Variants in PTPRQ observed in about 807,000 individuals in gnomAD.
PTPRQ encodes the protein phosphatidylinositol phosphatase PTPRQ.
PTPRQ carries 199 observed loss-of-function variants against 246.0 expected under a neutral mutation model. The ratio of observed to expected loss-of-function variants is 0.81; its 90% CI spans 0.72 to 0.91. The LOEUF (loss-of-function observed/expected upper bound fraction) is 0.91. Among genes scored for constraint, PTPRQ ranks in the 40% least tolerant of loss-of-function variants. PTPRQ has a pLI of 0.00. For synonymous variants in PTPRQ, 869 were observed against 853.2 expected (o/e 1.02, Z -0.32); for missense variants, 2,624 against 2,528.4 (o/e 1.04, Z -0.81).
intron 8 of PTPRQ, 151 bp from the exon 9 acceptor site, chr12:80,484,282 C>T (rs1894194741): frequency 4.1e-6 from 4 of 972,456 alleles, no homozygotes; most frequent in South Asian, 1.8e-5. Context: ...GCTGGGATTA[C>T]AGCCATGAGC....
intron 33 of PTPRQ, among the ~76,000 whole-genome samples, chr12:80,624,338 T>G (rs1349638322): frequency 6.6e-6 from 1 of 152,196 alleles, no homozygotes; most frequent in Non-Finnish European, 1.5e-5. Context: ...GTATTTTTTG[T>G]AGACCAGTGA....
At chr12:80,633,925 A>G (rs1565831740) in intron 34 of PTPRQ, among the ~76,000 whole-genome samples, 1 of 152,274 alleles carries the variant, frequency 6.6e-6, no homozygotes, top group South Asian at 2.1e-4. Context: ...TTGCCTACTC[A>G]CTAGCTAAAG....
In PTPRQ at chr12:80,679,153, A is replaced by ATTTT. The variant is rs1901239634; in HGVS notation, c.*130_*131insTTTT. 3 of 1,110,038 alleles carry ATTTT rather than the reference A, an allele frequency of 2.7e-6. No individual in the cohort carries two copies. The East Asian group carries it at 8.3e-5, about 31-fold the overall frequency. The allele number at this position is 1,110,038 out of a possible 1,614,324, so 68.8% of individuals were successfully genotyped here. On this transcript the variant is annotated 3_prime_UTR_variant, in exon 45 of 45. Coordinates refer to ENST00000644991, the MANE Select transcript of PTPRQ (RefSeq NM_001145026.2). ...TATGCTTCTCTCACTGTGCCTTTCC[A>ATTTT]AACGGATTGAACATTTTAAGACTAG...
chr12:80,481,876 G>A lies in PTPRQ; in HGVS notation c.1187-2557G>A, dbSNP rs539960063. Among the ~76,000 whole-genome samples, 6 of 151,780 alleles carry A rather than the reference G, an allele frequency of 4.0e-5. No homozygotes were observed. In the South Asian group the frequency reaches 1.3e-3, roughly 32 times the overall value. ...AACCGCTGCTCAATGAAATAAAAGAGGATACAAACAAATGGAAGAACATTC... is the reference window on the plus strand; with the variant it reads ...AACCGCTGCTCAATGAAATAAAAGAAGATACAAACAAATGGAAGAACATTC... On this transcript the variant is annotated intron_variant, in intron 8 of 44. Coordinates refer to ENST00000644991, the MANE Select transcript of PTPRQ (RefSeq NM_001145026.2).
chr12:80,608,995 C>A (rs1204430964), intron 27 of PTPRQ, among the ~76,000 whole-genome samples: 1 of 150,598 alleles, frequency 6.6e-6, no homozygotes, highest in Non-Finnish European at 1.5e-5. Flanking sequence ...TATTCCTGAT[C>A]AATAGGATTT....
Position 80,577,443 on chromosome 12 carries a change from T to A in PTPRQ, c.4286-10686T>A, listed in dbSNP as rs529833396. Among the ~76,000 whole-genome samples the A allele has an allele frequency of 2.0e-5, 3 of 152,298 alleles. No homozygotes were observed. The South Asian group carries it at 6.2e-4, about 32-fold the overall frequency. ...AACAGGATGGGGGAAACCACACCCA[T>A]GATTCAATTATCTCTTCCTGGTCCC... On this transcript the variant is annotated intron_variant, in intron 25 of 44. Coordinates refer to ENST00000644991, the MANE Select transcript of PTPRQ (RefSeq NM_001145026.2).
chr12:80,647,562 G>A (rs1461906117), intron 35 of PTPRQ, among the ~76,000 whole-genome samples: 1 of 151,994 alleles, frequency 6.6e-6, no homozygotes, highest in Non-Finnish European at 1.5e-5. Context: ...ATTGATTGTG[G>A]CTTCAGTCCC....
chr12:80,583,864 T>C (rs1897526375), intron 25 of PTPRQ: 1 of 152,204 alleles, frequency 6.6e-6, no homozygotes, highest in African/African-American at 2.4e-5. Context: ...ATTTAGTTCC[T>C]TGCAGTCACA....
At chr12:80,577,150 C>T (rs1897297439) in intron 25 of PTPRQ, among the ~76,000 whole-genome samples, 1 of 152,178 alleles carries the variant, frequency 6.6e-6, no homozygotes, top group African/African-American at 2.4e-5. Context: ...ATAAATCAAG[C>T]CAGCTCATTT....
At chr12:80,531,074 T>C (rs1242710835) in intron 17 of PTPRQ, among the ~76,000 whole-genome samples, 4 of 151,940 alleles carry the variant, frequency 2.6e-5, no homozygotes, top group Non-Finnish European at 5.9e-5. Flanking sequence ...AATCACAATT[T>C]AATATGTAGA....
At chr12:80,630,916 C>T (rs886371473) in intron 33 of PTPRQ, among the ~76,000 whole-genome samples, 60 of 152,184 alleles carry the variant, frequency 3.9e-4, no homozygotes, top group African/African-American at 1.3e-3. Flanking sequence ...GGGGTTTCAC[C>T]ATGTTGGCCA....
At chr12:80,492,018 G>A (rs1016242360) in intron 9 of PTPRQ, among the ~76,000 whole-genome samples, 2 of 151,620 alleles carry the variant, frequency 1.3e-5, no homozygotes, top group African/African-American at 4.8e-5. Flanking sequence ...TTTTGAAGCA[G>A]AACTTGAAAA....
At chr12:80,474,024 G>T (rs1893736650) in intron 8 of PTPRQ, among the ~76,000 whole-genome samples, 1 of 152,122 alleles carries the variant, frequency 6.6e-6, no homozygotes, top group African/African-American at 2.4e-5. Context: ...AGTTCTCTTG[G>T]GATAGTTCAG....
At chr12:80,529,371 G>A (rs1033826106) in intron 17 of PTPRQ, among the ~76,000 whole-genome samples, 1 of 152,052 alleles carries the variant, frequency 6.6e-6, no homozygotes, top group African/African-American at 2.4e-5. Context: ...AAATGAACAG[G>A]GATAGATGTA....
chr12:80,480,543 C>A (rs201610961), intron 8 of PTPRQ, among the ~76,000 whole-genome samples: 1 of 142,218 alleles, frequency 7.0e-6, no homozygotes, highest in Admixed American at 7.1e-5. Flanking sequence ...CTGAAGGAAA[C>A]AGAGACACAA....
intron 9 of PTPRQ, among the ~76,000 whole-genome samples, chr12:80,492,789 T>C (rs1167450523): frequency 6.6e-6 from 1 of 152,014 alleles, no homozygotes; most frequent in East Asian, 1.9e-4. Context: ...TTCTGGTATG[T>C]AACTTCACTC....
At chr12:80,511,662 A>G (rs1043399710) in intron 17 of PTPRQ, among the ~76,000 whole-genome samples, 5 of 152,226 alleles carry the variant, frequency 3.3e-5, no homozygotes, top group African/African-American at 1.2e-4. Flanking sequence ...GCTGTGATCC[A>G]GTTGACAAGA....
intron 18 of PTPRQ, among the ~76,000 whole-genome samples, chr12:80,534,549 A>G (rs1895933868): frequency 6.6e-6 from 1 of 152,074 alleles, no homozygotes. Context: ...ATTATTCAAT[A>G]TAAAAATTCT....
chr12:80,630,476 A>G (rs1899385176), intron 33 of PTPRQ, among the ~76,000 whole-genome samples: 1 of 152,196 alleles, frequency 6.6e-6, no homozygotes, highest in Non-Finnish European at 1.5e-5. Flanking sequence ...TCCATCAGGA[A>G]GTGTAGAATA....
Sources: gnomAD v4.1 joint callset for allele counts (sites outside exome capture counted in the v4.1 genomes callset) on GRCh38, gnomAD v4.1.1 for gene constraint, MANE v1.5 for transcripts, NCBI Gene and HGNC (gene_info 2026-07-23, HGNC 2026-07-21) for gene names.